Variants in EIF4ENIF1 observed in about 807,000 individuals in gnomAD.
EIF4ENIF1 encodes eukaryotic translation initiation factor 4E nuclear import factor 1.
EIF4ENIF1 carries 23 observed loss-of-function variants against 110.5 expected under a neutral mutation model. The observed-to-expected ratio is 0.21, with a 90% confidence interval of 0.15 to 0.29. The LOEUF (loss-of-function observed/expected upper bound fraction) is 0.29, where lower values mean the gene tolerates loss of function less well. Ranked by LOEUF, EIF4ENIF1 falls within the 10% of genes least tolerant of loss-of-function variation. The pLI is 1.00. For missense variants in EIF4ENIF1, 1,031 were observed against 1,221.1 expected (o/e 0.84, Z 2.32); for synonymous variants, 440 against 437.0 (o/e 1.01, Z -0.09).
intron 10 of EIF4ENIF1, among the ~76,000 whole-genome samples, chr22:31,452,092 C>T (rs748475323): frequency 2.0e-5 from 3 of 152,134 alleles, no homozygotes; most frequent in Non-Finnish European, 4.4e-5. Flanking sequence ...GCTTATTATA[C>T]TTGGAGGATA....
At chr22:31,447,335 T>C in intron 14 of EIF4ENIF1, 91 bp downstream of exon 14, 1 of 1,490,904 alleles carries the variant, frequency 6.7e-7, no homozygotes. Context: ...TACCACAGTA[T>C]GTACAACAGA....
intron 3 of EIF4ENIF1, among the ~76,000 whole-genome samples, chr22:31,471,012 C>T (rs1601623798): frequency 7.0e-6 from 1 of 143,536 alleles, no homozygotes; most frequent in South Asian, 2.2e-4. Context: ...AACTCTGTCT[C>T]GGACAAAAAA....
chr22:31,451,397 C>G (rs2050669031), intron 10 of EIF4ENIF1: 1 of 152,218 alleles, frequency 6.6e-6, no homozygotes, highest in Admixed American at 6.5e-5. Context: ...CCTCAGCCTC[C>G]TGAGTAACTG....
At chr22:31,484,246 A>G (rs1463569995) in intron 2 of EIF4ENIF1, among the ~76,000 whole-genome samples, 1 of 152,200 alleles carries the variant, frequency 6.6e-6, no homozygotes, top group African/African-American at 2.4e-5. Flanking sequence ...CCCCAGGCAT[A>G]TTAACATTTG....
chr22:31,488,849 A>G, intron 1 of EIF4ENIF1, 104 bp from the exon 2 acceptor site: 2 of 1,358,306 alleles, frequency 1.5e-6, no homozygotes, highest in Non-Finnish European at 2.0e-6. Context: ...CAAAACAGCT[A>G]GTGTTAAAAA....
At chr22:31,440,645 C>CA (rs2050262498) in intron 18 of EIF4ENIF1, 59 bp downstream of exon 18, 8 of 1,557,606 alleles carry the variant, frequency 5.1e-6, no homozygotes, top group Non-Finnish European at 6.9e-6. Context: ...AACTAGTCCT[C>CA]AAAGCTTCAA....
chr22:31,488,759 C>T lies in EIF4ENIF1; in HGVS notation c.-27-14G>A. 5.7e-6 allele frequency: 9 copies of T among 1,587,176 alleles called. No individual in the cohort carries two copies. Among genetic ancestry groups the T allele is most frequent in the Admixed American group, 1.9e-5 (1 of 52,842 alleles). On this transcript the variant is annotated splice_polypyrimidine_tract_variant and intron_variant, in intron 1 of 18. Coordinates refer to ENST00000330125, the MANE Select transcript of EIF4ENIF1 (RefSeq NM_019843.4). Reference sequence around the variant, plus strand: ...AATGCTCTGCACCTGGAAGATAAATCGGCACAAAATTGTCACCGAGAACAG... The same window carrying T: ...AATGCTCTGCACCTGGAAGATAAATTGGCACAAAATTGTCACCGAGAACAG...
intron 17 of EIF4ENIF1, 108 bp from the exon 18 acceptor site, chr22:31,440,976 C>G: frequency 6.9e-7 from 1 of 1,446,738 alleles, no homozygotes; most frequent in Non-Finnish European, 9.4e-7. Context: ...GAATGAAGGG[C>G]TCTGCGCAGT....
intron 2 of EIF4ENIF1, among the ~76,000 whole-genome samples, chr22:31,480,402 T>C (rs190293540): frequency 5.3e-5 from 8 of 152,358 alleles, no homozygotes; most frequent in Non-Finnish European, 1.2e-4. Context: ...TGCATTCTGA[T>C]GGACCTTCTG....
chr22:31,446,148 G>C (rs1397420135), intron 14 of EIF4ENIF1, among the ~76,000 whole-genome samples: 1 of 151,812 alleles, frequency 6.6e-6, no homozygotes, highest in Non-Finnish European at 1.5e-5. Flanking sequence ...AGCCGGGTGT[G>C]GTGGCACACT....
intron 7 of EIF4ENIF1, 50 bp from the exon 8 acceptor site, chr22:31,456,037 A>G (rs1217187751): frequency 6.3e-7 from 1 of 1,594,720 alleles, no homozygotes; most frequent in South Asian, 1.1e-5. Flanking sequence ...AAAAAGGACA[A>G]GAAGGTTTAA....
chr22:31,473,468 C>G (rs2051459770), intron 2 of EIF4ENIF1, among the ~76,000 whole-genome samples: 1 of 152,180 alleles, frequency 6.6e-6, no homozygotes, highest in Admixed American at 6.5e-5. Context: ...AAAACAGGAT[C>G]CAGTCTAGAA....
At chr22:31,449,780 G>C (rs975308689) in intron 11 of EIF4ENIF1, among the ~76,000 whole-genome samples, 1 of 151,472 alleles carries the variant, frequency 6.6e-6, no homozygotes, top group Non-Finnish European at 1.5e-5. Context: ...ACCCAGGCTG[G>C]AGTGCAGTGA....
At chr22:31,445,945 T>A (rs1240849126) in intron 14 of EIF4ENIF1, among the ~76,000 whole-genome samples, 1 of 145,826 alleles carries the variant, frequency 6.9e-6, no homozygotes. Context: ...AAAATGCAGT[T>A]ACGTACCGCC....
intron 4 of EIF4ENIF1, among the ~76,000 whole-genome samples, chr22:31,465,121 C>T (rs965270843): frequency 9.2e-5 from 14 of 151,918 alleles, no homozygotes; most frequent in East Asian, 3.9e-4. Flanking sequence ...GTTAGGAGTT[C>T]GAGACTAGCC....
intron 3 of EIF4ENIF1, 68 bp downstream of exon 3, chr22:31,471,776 T>C: frequency 7.4e-7 from 1 of 1,353,032 alleles, no homozygotes; most frequent in Non-Finnish European, 1.0e-6. Flanking sequence ...CAATTCTTAA[T>C]TTACCAAGTT....
At chr22:31,463,998 C>T in intron 4 of EIF4ENIF1, 31 bp from the exon 5 acceptor site, 1 of 1,591,522 alleles carries the variant, frequency 6.3e-7, no homozygotes. Flanking sequence ...CAAAGTTAAA[C>T]AAACCAACAA....
chr22:31,441,662 A>T, intron 17 of EIF4ENIF1, 112 bp downstream of exon 17: 1 of 938,646 alleles, frequency 1.1e-6, no homozygotes, highest in Non-Finnish European at 1.6e-6. Flanking sequence ...GGGAGAATCT[A>T]GTAACATCTT....
chr22:31,460,034 T>C (rs1159103482), intron 6 of EIF4ENIF1, among the ~76,000 whole-genome samples: 2 of 152,324 alleles, frequency 1.3e-5, no homozygotes, highest in Non-Finnish European at 1.5e-5. Flanking sequence ...CTGATCTTTA[T>C]CGTTAAAGTG....
Sources: allele counts gnomAD v4.1 joint callset (sites outside exome capture counted in the v4.1 genomes callset), GRCh38; gene constraint gnomAD v4.1.1; transcripts MANE v1.5; gene names NCBI Gene and HGNC (gene_info 2026-07-23, HGNC 2026-07-21).